Variants in ADCY2 observed in about 807,000 individuals in gnomAD.
ADCY2 encodes the protein adenylate cyclase 2, also known as adenylate cyclase type 2.
In ADCY2, 31 loss-of-function variants were observed where a neutral mutation model predicts 125.2. The observed-to-expected ratio is 0.25, with a 90% CI of 0.19 to 0.33. ADCY2 has a LOEUF of 0.33. ADCY2 is among the 10% of genes least tolerant of loss of function. The probability of loss-of-function intolerance (pLI) is 1.00; values close to 1 mark genes in which losing one functional copy is unlikely to be tolerated. For synonymous variants in ADCY2, 512 were observed against 548.4 expected (o/e 0.93, Z 0.93); for missense variants, 904 against 1,418.2 (o/e 0.64, Z 5.82).
chr5:7,708,693 A>G (rs2126356793), intron 9 of ADCY2, among the ~76,000 whole-genome samples: 1 of 152,268 alleles, frequency 6.6e-6, no homozygotes, highest in East Asian at 1.9e-4. Context: ...CCCCAGTTTC[A>G]CCTTTGAAGA....
chr5:7,513,255 T>C (rs1187207548), intron 2 of ADCY2, among the ~76,000 whole-genome samples: 2 of 152,130 alleles, frequency 1.3e-5, no homozygotes, highest in East Asian at 1.9e-4. Flanking sequence ...GCATTAGACA[T>C]TGGGATGGAT....
chr5:7,653,895 C>A, intron 4 of ADCY2: 1 of 271,132 alleles, frequency 3.7e-6, no homozygotes, highest in South Asian at 3.6e-5. Context: ...CTTACCACTC[C>A]TGGGGGAGGA....
chr5:7,560,698 T>G (rs905521435), intron 3 of ADCY2, among the ~76,000 whole-genome samples: 1 of 151,336 alleles, frequency 6.6e-6, no homozygotes, highest in African/African-American at 2.4e-5. Context: ...ACTAACAGGT[T>G]TTTTTTTTGA....
At chr5:7,659,546 G>C (rs953400802) in intron 4 of ADCY2, among the ~76,000 whole-genome samples, 2 of 152,174 alleles carry the variant, frequency 1.3e-5, no homozygotes, top group Non-Finnish European at 2.9e-5. Flanking sequence ...GAAACCCACA[G>C]CTCTGTGGTT....
chr5:7,447,977 A>C (rs528005331), intron 2 of ADCY2, among the ~76,000 whole-genome samples: 1 of 152,264 alleles, frequency 6.6e-6, no homozygotes, highest in South Asian at 2.1e-4. Flanking sequence ...CTTGGCCAAG[A>C]CTTCCACAGA....
chr5:7,462,197 G>A (rs1239717082), intron 2 of ADCY2, among the ~76,000 whole-genome samples: 3 of 152,158 alleles, frequency 2.0e-5, no homozygotes, highest in East Asian at 1.9e-4. Context: ...AACAGCAGAC[G>A]AACCCAAACA....
At chr5:7,457,953 A>G (rs539646557) in intron 2 of ADCY2, among the ~76,000 whole-genome samples, 2 of 152,354 alleles carry the variant, frequency 1.3e-5, no homozygotes, top group South Asian at 4.1e-4. Context: ...CAGTACAAAT[A>G]TGCCTTTTAT....
intron 18 of ADCY2, among the ~76,000 whole-genome samples, chr5:7,773,456 G>A (rs960999942): frequency 1.1e-4 from 17 of 152,144 alleles, no homozygotes; most frequent in African/African-American, 3.6e-4. Context: ...TAGGTAGGGT[G>A]TTTAGTGACA....
At chr5:7,470,154 C>G (rs1167074854) in intron 2 of ADCY2, among the ~76,000 whole-genome samples, 1 of 151,368 alleles carries the variant, frequency 6.6e-6, no homozygotes, top group African/African-American at 2.4e-5. Flanking sequence ...TTTTTTTTAT[C>G]ATCTTATTGG....
chr5:7,546,381 C>T (rs1406172789), intron 3 of ADCY2, among the ~76,000 whole-genome samples: 4 of 152,182 alleles, frequency 2.6e-5, no homozygotes, highest in South Asian at 2.1e-4. Context: ...GTGTTTGACA[C>T]GTTCTGTTCT....
intron 3 of ADCY2, among the ~76,000 whole-genome samples, chr5:7,525,423 C>T (rs2126538639): frequency 6.6e-6 from 1 of 152,338 alleles, no homozygotes; most frequent in Admixed American, 6.5e-5. Flanking sequence ...CCCTTTCCTG[C>T]TTTCTAGTGG....
chr5:7,571,193 G>T (rs368952253), intron 3 of ADCY2, among the ~76,000 whole-genome samples: 1 of 152,026 alleles, frequency 6.6e-6, no homozygotes, highest in African/African-American at 2.4e-5. Context: ...AAGAATTGGC[G>T]CAGGCAGTTA....
intron 2 of ADCY2, among the ~76,000 whole-genome samples, chr5:7,508,446 G>T (rs1183861016): frequency 6.6e-6 from 1 of 152,108 alleles, no homozygotes; most frequent in African/African-American, 2.4e-5. Context: ...TCCAGAATTT[G>T]GTTTGGGTCC....
intron 3 of ADCY2, among the ~76,000 whole-genome samples, chr5:7,539,844 A>G (rs934732638): frequency 1.3e-5 from 2 of 152,240 alleles, no homozygotes; most frequent in Admixed American, 6.5e-5. Flanking sequence ...GGCTTGGCCC[A>G]TGGGCCTGCT....
At chr5:7,612,457 G>C (rs1737598726) in intron 3 of ADCY2, among the ~76,000 whole-genome samples, 1 of 152,224 alleles carries the variant, frequency 6.6e-6, no homozygotes, top group Admixed American at 6.5e-5. Flanking sequence ...GGCAGGATAG[G>C]GAAGGAGGAA....
At chr5:7,491,639 T>C (rs2126489226) in intron 2 of ADCY2, among the ~76,000 whole-genome samples, 1 of 152,272 alleles carries the variant, frequency 6.6e-6, no homozygotes, top group East Asian at 1.9e-4. Context: ...ATTTAGAACA[T>C]AAGCCATTGA....
intron 2 of ADCY2, among the ~76,000 whole-genome samples, chr5:7,472,225 T>G (rs757872874): frequency 6.6e-6 from 1 of 152,170 alleles, no homozygotes; most frequent in Non-Finnish European, 1.5e-5. Context: ...CTGGCTTTCT[T>G]TTCCTTGTGC....
chr5:7,580,314 G>A (rs1182022160), intron 3 of ADCY2, among the ~76,000 whole-genome samples: 7 of 152,070 alleles, frequency 4.6e-5, no homozygotes, highest in Middle Eastern at 3.2e-3. Context: ...ATATAAAGTG[G>A]TTATAATTAA....
At chr5:7,819,398 G>A (rs1264906672) in intron 23 of ADCY2, among the ~76,000 whole-genome samples, 1 of 152,098 alleles carries the variant, frequency 6.6e-6, no homozygotes, top group Non-Finnish European at 1.5e-5. Context: ...GGACCAGAAC[G>A]GCTATTTGCC....
Sources: gnomAD v4.1 joint callset for allele counts (sites outside exome capture counted in the v4.1 genomes callset) on GRCh38, gnomAD v4.1.1 for gene constraint, MANE v1.5 for transcripts, NCBI Gene and HGNC (gene_info 2026-07-23, HGNC 2026-07-21) for gene names.